The following SIRT3 variants were observed in gnomAD, a reference collection of about 807,000 sequenced individuals.
SIRT3 encodes the protein sirtuin 3.
Under a neutral mutation model 33.5 loss-of-function variants are expected in SIRT3, and 26 were observed. The observed-to-expected ratio is 0.78, with a 90% CI of 0.57 to 1.08. The LOEUF is 1.08. Ranked by LOEUF, SIRT3 falls within the 50% of genes least tolerant of loss-of-function variation. The probability of loss-of-function intolerance (pLI) is 0.00; values close to 1 mark genes in which losing one functional copy is unlikely to be tolerated. For missense variants in SIRT3, 585 were observed against 530.1 expected (o/e 1.10, Z -1.02); for synonymous variants, 237 against 222.1 (o/e 1.07, Z -0.60).
Position 233,011 on chromosome 11 carries a change from GTA to G in SIRT3, c.676_677del (p.Tyr226HisfsTer8). Reference sequence around the variant, plus strand: ...TCTCAAGCCCATCGATGTTCTGCGTGTAGAGCCGCAGAAGCAGCCCCTTGTCA... The same window carrying G: ...TCTCAAGCCCATCGATGTTCTGCGTGGAGCCGCAGAAGCAGCCCCTTGTCA... ...LHDKGLLLRL[Y>X]TQNIDGLERV... On this transcript the variant is annotated frameshift_variant, in exon 3 of 7. Transcript: ENST00000382743. LOFTEE classifies it high-confidence loss of function. 1 of 1,614,128 alleles carries G rather than the reference GTA, an allele frequency of 6.2e-7. No individual in the cohort carries two copies. Among genetic ancestry groups the G allele is most frequent in the Non-Finnish European group, 8.5e-7 (1 of 1,179,972 alleles).
intron 2 of SIRT3, 46 bp from the exon 3 acceptor site, chr11:233,261 G>T: frequency 6.2e-7 from 1 of 1,604,134 alleles, no homozygotes; most frequent in Non-Finnish European, 8.5e-7. Flanking sequence ...AAGAGGACAG[G>T]GAAGTGGAAT....
At chr11:235,404 G>A (rs371241953) in intron 1 of SIRT3, among the ~76,000 whole-genome samples, 10 of 152,008 alleles carry the variant, frequency 6.6e-5, no homozygotes, top group African/African-American at 2.2e-4. Flanking sequence ...TGGGGGTCTC[G>A]TTATGTTGCC....
chr11:219,966 T>C (rs756840213), intron 5 of SIRT3, among the ~76,000 whole-genome samples: 2 of 152,240 alleles, frequency 1.3e-5, no homozygotes, highest in Admixed American at 6.5e-5. Flanking sequence ...ATAGTTTATA[T>C]TGCTAATTGA....
rs551145258 is a variant in SIRT3, at chr11:219,255, T to C, written c.970-214A>G. 5.3e-5 allele frequency among the ~76,000 whole-genome samples: 8 copies of C among 152,246 alleles called. No homozygotes were observed. In the South Asian group the frequency reaches 6.2e-4, roughly 12 times the overall value. On this transcript the variant is annotated intron_variant, in intron 5 of 6. Transcript: ENST00000382743. ...TCTCCCCTCCGCCTCTCTCTCTCTCTCCCACTTCTTGCTGTTTCCACACAT... is the reference window on the plus strand; with the variant it reads ...TCTCCCCTCCGCCTCTCTCTCTCTCCCCCACTTCTTGCTGTTTCCACACAT...
intron 1 of SIRT3, among the ~76,000 whole-genome samples, chr11:235,258 T>C (rs550231891): frequency 6.6e-6 from 1 of 152,084 alleles, no homozygotes; most frequent in Admixed American, 6.6e-5. Flanking sequence ...CAGGCTGGAG[T>C]GCAGTGGCTC....
chr11:229,011 G>A (rs1857532421), intron 4 of SIRT3, among the ~76,000 whole-genome samples: 1 of 152,208 alleles, frequency 6.6e-6, no homozygotes, highest in African/African-American at 2.4e-5. Context: ...CAGTGCTACA[G>A]TGGGTTACCA....
intron 4 of SIRT3, 145 bp from the exon 5 acceptor site, chr11:224,384 G>A: frequency 1.2e-6 from 1 of 865,222 alleles, no homozygotes; most frequent in Non-Finnish European, 1.8e-6. Flanking sequence ...CCCAGCTTCA[G>A]GAATTACCAG....
chr11:225,108 G>A (rs1401013293), intron 4 of SIRT3, among the ~76,000 whole-genome samples: 2 of 144,164 alleles, frequency 1.4e-5, no homozygotes, highest in African/African-American at 2.6e-5. Context: ...AAAAAAAAAA[G>A]ATGAACTTGA....
chr11:236,834 T>C (rs182895690), upstream of SIRT3: 54 of 586,348 alleles, frequency 9.2e-5, no homozygotes, highest in Admixed American at 1.4e-3. Context: ...CACAGCCAAG[T>C]GCGCGGGAAG....
chr11:219,338 C>T (rs533354878), intron 5 of SIRT3, among the ~76,000 whole-genome samples: 78 of 152,288 alleles, frequency 5.1e-4, no homozygotes, highest in East Asian at 4.1e-3. Context: ...TTCCTGCCTC[C>T]TCTTTGTGAG....
In SIRT3 at chr11:236,212, C is replaced by A. The variant is rs1273946168; in HGVS notation, c.117G>T (p.Val39=). 1.9e-6 allele frequency: 3 copies of A among 1,558,750 alleles called. No homozygotes were observed. The highest frequency in any genetic ancestry group is 4.8e-5 in the East Asian group (2 of 41,348). ...GPFQACGCRL[V]LGGRDDVSAG... is the part of the protein sequence containing the mutation. The stretch of plus-strand genomic sequence containing the variant: ...CACTCACATCGTCCCTGCCGCCAAG[C>A]ACCAGCCGACAGCCGCAGGCCTGAA... The change falls in exon 1 of 7, where the codon GTG becomes GTT. Residue 39 remains valine (V), a synonymous_variant. Transcript: ENST00000382743.
intron 3 of SIRT3, among the ~76,000 whole-genome samples, chr11:231,688 A>G (rs1447798020): frequency 6.6e-6 from 1 of 152,038 alleles, no homozygotes; most frequent in Non-Finnish European, 1.5e-5. Context: ...CACAGCCAGG[A>G]GCTCCCACCT....
chr11:225,992 T>C (rs4980334), intron 4 of SIRT3: 23,788 of 152,254 alleles, frequency 0.16, 2,348 homozygotes, highest in Middle Eastern at 0.22. Context: ...AGTAATTACA[T>C]GTGGTCCTTC....
At chr11:235,963 G>C in intron 1 of SIRT3, 85 bp downstream of exon 1, 1 of 1,377,806 alleles carries the variant, frequency 7.3e-7, no homozygotes, top group Non-Finnish European at 9.5e-7. Context: ...CAGACATGCC[G>C]CAAAGGAAAC....
intron 4 of SIRT3, among the ~76,000 whole-genome samples, chr11:228,059 G>A (rs1407533379): frequency 6.6e-6 from 1 of 152,186 alleles, no homozygotes; most frequent in African/African-American, 2.4e-5. Context: ...GGTCTCTGCT[G>A]CCAGAAACAG....
At chr11:230,992 C>T (rs917469831) in intron 3 of SIRT3, among the ~76,000 whole-genome samples, 4 of 152,104 alleles carry the variant, frequency 2.6e-5, no homozygotes, top group Admixed American at 6.6e-5. Context: ...GATGTGGTGG[C>T]AGGCACCTGT....
chr11:233,633 C>T (rs937566032), intron 1 of SIRT3, 99 bp from the exon 2 acceptor site: 2 of 1,112,678 alleles, frequency 1.8e-6, no homozygotes, highest in Non-Finnish European at 1.3e-6. Flanking sequence ...CCGCCACCCT[C>T]GAGAATGAGC....
chr11:218,564 C>T (rs1355682413), intron 6 of SIRT3, among the ~76,000 whole-genome samples: 1 of 152,176 alleles, frequency 6.6e-6, no homozygotes. Flanking sequence ...GAAGGTAACG[C>T]CTATAGTCTG....
intron 5 of SIRT3, 82 bp from the exon 6 acceptor site, chr11:219,123 C>T: frequency 6.8e-7 from 1 of 1,478,328 alleles, no homozygotes; most frequent in Non-Finnish European, 9.1e-7. Flanking sequence ...CCACCGAGGC[C>T]TTGGAGGAGC....
Sources: allele counts gnomAD v4.1 joint callset (sites outside exome capture counted in the v4.1 genomes callset), GRCh38; gene constraint gnomAD v4.1.1; transcripts MANE v1.5; gene names NCBI Gene and HGNC (gene_info 2026-07-23, HGNC 2026-07-21).